Variants in HEATR5B observed in about 807,000 individuals in gnomAD.
HEATR5B encodes HEAT repeat-containing protein 5B.
HEATR5B carries 156 observed loss-of-function variants against 224.1 expected under a neutral mutation model. The ratio of observed to expected loss-of-function variants is 0.70; its 90% CI spans 0.61 to 0.80. The LOEUF is 0.80. HEATR5B is among the 30% of genes least tolerant of loss of function. HEATR5B has a pLI of 0.00. For missense variants in HEATR5B, 2,323 were observed against 2,535.5 expected (o/e 0.92, Z 1.80); for synonymous variants, 1,027 against 893.0 (o/e 1.15, Z -2.68).
Position 37,072,097 on chromosome 2 carries a change from C to A in HEATR5B, c.769+13G>T. The A allele has an allele frequency of 6.2e-7, 1 of 1,603,174 alleles. No homozygotes were observed. Among genetic ancestry groups the A allele is most frequent in the Non-Finnish European group, 8.5e-7 (1 of 1,172,812 alleles). On this transcript the variant is annotated intron_variant, in intron 6 of 35. Transcript: ENST00000233099. ...GGTCTGTTATGGTCTAAATCAAGGG[C>A]AAACAACAATACCTGTTGCCTGTTT...
intron 30 of HEATR5B, among the ~76,000 whole-genome samples, chr2:37,005,164 T>C (rs114337285): frequency 0.013 from 1,917 of 152,298 alleles, 22 homozygotes; most frequent in Non-Finnish European, 0.018. Flanking sequence ...TAAATGGCTA[T>C]GCCCTTGAAC....
At chr2:37,001,957 G>T (rs914394855) in intron 32 of HEATR5B, among the ~76,000 whole-genome samples, 1 of 152,190 alleles carries the variant, frequency 6.6e-6, no homozygotes, top group Non-Finnish European at 1.5e-5. Context: ...ATGAGCCACC[G>T]CACCTGGCCT....
chr2:37,078,551 T>C (rs183660655), intron 3 of HEATR5B, among the ~76,000 whole-genome samples: 1 of 152,340 alleles, frequency 6.6e-6, no homozygotes, highest in Non-Finnish European at 1.5e-5. Flanking sequence ...TGGTACTGTC[T>C]AATCTCCTCT....
intron 6 of HEATR5B, among the ~76,000 whole-genome samples, chr2:37,071,632 A>C (rs1165910496): frequency 6.6e-6 from 1 of 151,972 alleles, no homozygotes; most frequent in African/African-American, 2.4e-5. Flanking sequence ...CCTGTACATT[A>C]TCATCACAAA....
intron 15 of HEATR5B, 119 bp from the exon 16 acceptor site, chr2:37,056,734 T>C: frequency 3.7e-6 from 3 of 817,782 alleles, no homozygotes; most frequent in South Asian, 2.3e-5. Flanking sequence ...AAAAGAATGA[T>C]TGGATCCGAA....
At chr2:37,072,661 GACTAGGAA>G (rs1283308571) in intron 5 of HEATR5B, among the ~76,000 whole-genome samples, 1 of 151,898 alleles carries the variant, frequency 6.6e-6, no homozygotes, top group Non-Finnish European at 1.5e-5. Context: ...GGAAATTCAT[GACTAGGAA>G]ACTAACAAAG....
intron 34 of HEATR5B, among the ~76,000 whole-genome samples, chr2:36,989,147 A>G (rs559048673): frequency 2.6e-4 from 39 of 152,282 alleles, no homozygotes; most frequent in African/African-American, 7.9e-4. Context: ...GTGCAGTGGC[A>G]CCATTTTGGC....
chr2:37,020,968 G>C (rs1668423773), intron 24 of HEATR5B, 132 bp from the exon 25 acceptor site: 1 of 576,930 alleles, frequency 1.7e-6, no homozygotes, highest in East Asian at 3.0e-5. Flanking sequence ...AAATAGCAAA[G>C]ATATTATATT....
intron 7 of HEATR5B, 54 bp from the exon 8 acceptor site, chr2:37,068,984 T>C: frequency 2.6e-6 from 4 of 1,541,758 alleles, no homozygotes; most frequent in African/African-American, 1.4e-5. Flanking sequence ...TGAACAGAAA[T>C]CAAAGATAAA....
At chr2:36,993,532 G>A (rs1238334155) in intron 33 of HEATR5B, among the ~76,000 whole-genome samples, 2 of 149,248 alleles carry the variant, frequency 1.3e-5, no homozygotes, top group African/African-American at 2.5e-5. Context: ...AACAGAGTGA[G>A]ACTCTGTTTA....
At chr2:37,005,488 T>C (rs1041736662) in intron 30 of HEATR5B, 144 bp downstream of exon 30, 17 of 741,388 alleles carry the variant, frequency 2.3e-5, no homozygotes, top group Non-Finnish European at 3.1e-5. Flanking sequence ...TAAAAGTAAC[T>C]GGGTGAATAA....
chr2:37,069,433 T>C (rs930574237), intron 7 of HEATR5B, among the ~76,000 whole-genome samples: 2 of 152,184 alleles, frequency 1.3e-5, no homozygotes, highest in African/African-American at 4.8e-5. Flanking sequence ...TATTATTAGA[T>C]CATTAACCAT....
intron 16 of HEATR5B, among the ~76,000 whole-genome samples, chr2:37,054,865 G>A (rs1477814264): frequency 2.6e-5 from 4 of 152,124 alleles, no homozygotes; most frequent in Non-Finnish European, 5.9e-5. Context: ...ATCCAAGGAA[G>A]TTGGATTTAG....
chr2:37,023,265 A>C (rs1668575492), intron 24 of HEATR5B, among the ~76,000 whole-genome samples: 2 of 152,194 alleles, frequency 1.3e-5, no homozygotes. Flanking sequence ...AGAAATTATT[A>C]AGCTCAAGGT....
chr2:37,040,124 C>T (rs909593930), intron 20 of HEATR5B, among the ~76,000 whole-genome samples: 39 of 152,300 alleles, frequency 2.6e-4, no homozygotes, highest in African/African-American at 8.9e-4. Flanking sequence ...CTTCAACAAA[C>T]ATTATCATGT....
At chr2:37,083,585 T>C (rs1458029027) in intron 1 of HEATR5B, 149 bp from the exon 2 acceptor site, 4 of 606,376 alleles carry the variant, frequency 6.6e-6, no homozygotes, top group Admixed American at 3.2e-5. Flanking sequence ...GAGAACATAC[T>C]TTTAAATGAC....
At chr2:37,063,325 C>G (rs952592055) in intron 10 of HEATR5B, among the ~76,000 whole-genome samples, 4 of 151,708 alleles carry the variant, frequency 2.6e-5, no homozygotes, top group East Asian at 1.9e-4. Context: ...GCAAAGGCTT[C>G]GAAGCTGAAA....
At chr2:37,051,132 T>C (rs899469703) in intron 17 of HEATR5B, among the ~76,000 whole-genome samples, 2 of 147,186 alleles carry the variant, frequency 1.4e-5, no homozygotes, top group Admixed American at 6.7e-5. Flanking sequence ...CTGAGGTGGG[T>C]AGATCATGAG....
intron 25 of HEATR5B, 37 bp from the exon 26 acceptor site, chr2:37,019,914 T>A: frequency 6.8e-7 from 1 of 1,471,866 alleles, no homozygotes; most frequent in Non-Finnish European, 9.4e-7. Flanking sequence ...TTTTTACTTT[T>A]ATTTTTTGAG....
Sources: gnomAD v4.1 joint callset for allele counts (sites outside exome capture counted in the v4.1 genomes callset) on GRCh38, gnomAD v4.1.1 for gene constraint, MANE v1.5 for transcripts, NCBI Gene and HGNC (gene_info 2026-07-23, HGNC 2026-07-21) for gene names.